Variants in DCBLD1 observed in about 807,000 individuals in gnomAD.
DCBLD1 encodes discoidin, CUB and LCCL domain-containing protein 1.
DCBLD1 carries 57 observed loss-of-function variants against 71.5 expected under a neutral mutation model. The observed-to-expected ratio is 0.80, with a 90% CI of 0.64 to 0.99. DCBLD1 has a LOEUF of 0.99. DCBLD1 is among the 50% of genes least tolerant of loss of function. The pLI is 0.00. For missense variants in DCBLD1, 891 were observed against 923.5 expected, an observed-to-expected ratio of 0.96 and a Z score of 0.46; for synonymous variants, 380 against 363.8, an observed-to-expected ratio of 1.04 and a Z score of -0.51.
chr6:117,488,925 C>T (rs1468531752), intron 1 of DCBLD1, among the ~76,000 whole-genome samples: 2 of 152,120 alleles, frequency 1.3e-5, no homozygotes, highest in African/African-American at 4.8e-5. Flanking sequence ...CTGTTTACTG[C>T]CATTTCTACT....
At chr6:117,523,437 A>C (rs1778448262) in intron 4 of DCBLD1, among the ~76,000 whole-genome samples, 1 of 152,210 alleles carries the variant, frequency 6.6e-6, no homozygotes, top group South Asian at 2.1e-4. Flanking sequence ...TATGTTATTT[A>C]ATATGATTAT....
chr6:117,482,926 C>G, intron 1 of DCBLD1, 33 bp downstream of exon 1: 1 of 1,171,938 alleles, frequency 8.5e-7, no homozygotes, highest in Non-Finnish European at 1.1e-6. Flanking sequence ...GCGGCGGGAC[C>G]CGAGGCGCCA....
chr6:117,545,738 G>T (rs1198914971), intron 14 of DCBLD1, 141 bp downstream of exon 14: 2 of 1,259,376 alleles, frequency 1.6e-6, no homozygotes, highest in African/African-American at 1.5e-5. Context: ...TCTGCATTCT[G>T]CACAGAATTA....
chr6:117,515,255 T>C (rs1009658795), intron 2 of DCBLD1, among the ~76,000 whole-genome samples: 1 of 151,966 alleles, frequency 6.6e-6, no homozygotes, highest in African/African-American at 2.4e-5. Flanking sequence ...ACTCCTGACC[T>C]CCTGACTCCG....
At chr6:117,557,058 C>G (rs1490075198) in intron 14 of DCBLD1, among the ~76,000 whole-genome samples, 1 of 151,932 alleles carries the variant, frequency 6.6e-6, no homozygotes, top group African/African-American at 2.4e-5. Context: ...TATCTTCTTA[C>G]TTAGACGCCA....
In DCBLD1 at chr6:117,544,592, C is replaced by CG. The variant is rs1562123900; in HGVS notation, c.1495+15_1495+16insG. 1 of 1,613,716 alleles carries CG rather than the reference C, an allele frequency of 6.2e-7. No individual in the cohort carries two copies. Among genetic ancestry groups the CG allele is most frequent in the Admixed American group, 1.7e-5 (1 of 59,956 alleles). On this transcript the variant is annotated intron_variant, in intron 13 of 14. Coordinates refer to ENST00000338728, the MANE Select transcript of DCBLD1 (RefSeq NM_001366458.2). ...TCAGAAAACAGGTTGGTTGAAAACTCTATCTACAATTTTATCTGTCTTTGA... is the reference window on the plus strand; with the variant it reads ...TCAGAAAACAGGTTGGTTGAAAACTCGTATCTACAATTTTATCTGTCTTTGA...
chr6:117,511,776 C>T (rs1778031403), intron 2 of DCBLD1, among the ~76,000 whole-genome samples: 2 of 152,112 alleles, frequency 1.3e-5, no homozygotes, highest in Admixed American at 6.5e-5. Flanking sequence ...GTCTCTCAGA[C>T]ATATTATGAA....
At chr6:117,492,080 A>G (rs764761117) in intron 1 of DCBLD1, among the ~76,000 whole-genome samples, 1 of 152,186 alleles carries the variant, frequency 6.6e-6, no homozygotes, top group African/African-American at 2.4e-5. Flanking sequence ...CGATCTCTCC[A>G]TTATAAAACT....
Position 117,539,338 on chromosome 6 carries a change from A to G in DCBLD1, c.1060A>G (p.Lys354Glu). The part of the protein sequence containing the change: ...FVMNFKNNNS[K>E]WKTYKGIVNN... Reference sequence around the variant, plus strand: ...GATGAACTTCAAAAACAATAATTCTAAGTGGAAGACCTATAAAGGAATTGT... The same window carrying G: ...GATGAACTTCAAAAACAATAATTCTGAGTGGAAGACCTATAAAGGAATTGT... Residue 354 changes from lysine (K) to glutamate (E), a missense_variant, in exon 9 of 15, where the codon AAG becomes GAG. Physicochemically the swap from Lys to Glu is moderately conservative, Grantham distance 56. Coordinates refer to ENST00000338728, the MANE Select transcript of DCBLD1 (RefSeq NM_001366458.2). 6.2e-7 allele frequency: 1 copy of G among 1,607,940 alleles called. No homozygotes were observed. The highest frequency in any genetic ancestry group is 8.5e-7 in the Non-Finnish European group (1 of 1,178,708).
At chr6:117,529,387 A>G (rs1383655074) in intron 5 of DCBLD1, among the ~76,000 whole-genome samples, 1 of 152,196 alleles carries the variant, frequency 6.6e-6, no homozygotes, top group African/African-American at 2.4e-5. Flanking sequence ...AATTCTGCCC[A>G]GCTGGTTGTA....
At chr6:117,567,161 A>T in intron 14 of DCBLD1, 1 of 596,560 alleles carries the variant, frequency 1.7e-6, no homozygotes, top group East Asian at 3.0e-5. Flanking sequence ...CCAGAAAATA[A>T]ATAATAAAAT....
At chr6:117,483,148 A>C (rs1395679079) in intron 1 of DCBLD1, among the ~76,000 whole-genome samples, 2 of 152,044 alleles carry the variant, frequency 1.3e-5, no homozygotes, top group Non-Finnish European at 2.9e-5. Flanking sequence ...CCAGAGAATT[A>C]ACCTGGCGTC....
downstream of DCBLD1, among the ~76,000 whole-genome samples, chr6:117,551,631 G>A (rs1162360692): frequency 1.3e-5 from 2 of 152,080 alleles, no homozygotes; most frequent in Non-Finnish European, 2.9e-5. Context: ...CGCCATCCTC[G>A]GCCTCCCAAA....
chr6:117,507,860 G>A lies in DCBLD1; in HGVS notation c.325+3881G>A, dbSNP rs189604532. On this transcript the variant is annotated intron_variant, in intron 2 of 14. Transcript: ENST00000338728. ...CTACTTTTTAAAGTAATCTTTAAAA[G>A]GCTTGCTTATAACAGTTTCTAACAT... Among the ~76,000 whole-genome samples, 152 of 152,282 alleles carry A rather than the reference G, an allele frequency of 1.0e-3. 3 individuals carry two copies. The East Asian group carries it at 0.022, about 22-fold the overall frequency.
At chr6:117,569,409 G>A (rs1167187439) in intron 14 of DCBLD1, among the ~76,000 whole-genome samples, 1 of 152,184 alleles carries the variant, frequency 6.6e-6, no homozygotes, top group Non-Finnish European at 1.5e-5. Flanking sequence ...TCCATTTTCA[G>A]TAAATCTGAC....
At chr6:117,530,455 G>C (rs1342476900) in intron 5 of DCBLD1, among the ~76,000 whole-genome samples, 2 of 152,204 alleles carry the variant, frequency 1.3e-5, no homozygotes, top group Non-Finnish European at 2.9e-5. Flanking sequence ...TCTGACAAGA[G>C]GTAGAGCTCA....
intron 1 of DCBLD1, among the ~76,000 whole-genome samples, chr6:117,485,580 A>G (rs1273138887): frequency 6.6e-6 from 1 of 152,214 alleles, no homozygotes; most frequent in East Asian, 1.9e-4. Flanking sequence ...CTGGACAGCT[A>G]GCCTTGTAGA....
chr6:117,509,726 C>T (rs1777954932), intron 2 of DCBLD1, among the ~76,000 whole-genome samples: 1 of 152,120 alleles, frequency 6.6e-6, no homozygotes, highest in Non-Finnish European at 1.5e-5. Context: ...TCTCTGTTCA[C>T]CAGGCAGAGG....
chr6:117,537,620 T>C (rs1778937571), intron 7 of DCBLD1, among the ~76,000 whole-genome samples: 1 of 138,298 alleles, frequency 7.2e-6, no homozygotes, highest in Non-Finnish European at 1.5e-5. Flanking sequence ...GTTTAAAAGG[T>C]TGTTTTTTTT....
Sources: allele counts gnomAD v4.1 joint callset (sites outside exome capture counted in the v4.1 genomes callset), GRCh38; gene constraint gnomAD v4.1.1; transcripts MANE v1.5; gene names NCBI Gene and HGNC (gene_info 2026-07-23, HGNC 2026-07-21).